The following KCNK13 variants were observed in gnomAD, a reference collection of about 807,000 sequenced individuals.
KCNK13 encodes the protein potassium two pore domain channel subfamily K member 13.
KCNK13 carries 12 observed loss-of-function variants against 23.4 expected under a neutral mutation model. The observed-to-expected ratio is 0.51, with a 90% CI of 0.33 to 0.83. KCNK13 has a LOEUF of 0.83. KCNK13 is among the 40% of genes least tolerant of loss of function. The probability of loss-of-function intolerance (pLI) is 0.02; values close to 1 mark genes in which losing one functional copy is unlikely to be tolerated. For synonymous variants in KCNK13, 231 were observed against 229.5 expected, an observed-to-expected ratio of 1.01 and a Z score of -0.06; for missense variants, 463 against 556.3, an observed-to-expected ratio of 0.83 and a Z score of 1.69.
intron 1 of KCNK13, among the ~76,000 whole-genome samples, chr14:90,086,071 A>G (rs984753980): frequency 6.6e-6 from 1 of 151,570 alleles, no homozygotes; most frequent in Non-Finnish European, 1.5e-5. Context: ...CATTCTTCCT[A>G]TTGTAAGACA....
intron 1 of KCNK13, among the ~76,000 whole-genome samples, chr14:90,137,317 ATTTATTTTTATTTATTTT>A (rs1279902491): frequency 6.6e-6 from 1 of 150,622 alleles, no homozygotes; most frequent in East Asian, 1.9e-4. Flanking sequence ...TTATTTATTT[ATTTATTTTTATTTATTTT>A]TTTGAGATGG....
intron 1 of KCNK13, among the ~76,000 whole-genome samples, chr14:90,147,636 G>A (rs142950137): frequency 6.6e-6 from 1 of 152,124 alleles, no homozygotes; most frequent in Admixed American, 6.5e-5. Context: ...GATTTCTTCT[G>A]TTGTGTTGGG....
chr14:90,164,446 TA>T (rs1890281487), intron 1 of KCNK13, among the ~76,000 whole-genome samples: 1 of 152,134 alleles, frequency 6.6e-6, no homozygotes, highest in Admixed American at 6.5e-5. Context: ...AAGACTCTTT[TA>T]AAGAAATGGA....
Position 90,094,405 on chromosome 14 carries a change from C to G in KCNK13, c.334+31866C>G, listed in dbSNP as rs927174366. On this transcript the variant is annotated intron_variant, in intron 1 of 1. Transcript: ENST00000282146. ...GAAGGGCTTGGTTTTCATAATGAAA[C>G]AGATTCTATTTCTTGTAATCTATGA... Among the ~76,000 whole-genome samples, 8 of 152,138 alleles carry G rather than the reference C, an allele frequency of 5.3e-5. No homozygotes were observed. In the South Asian group the frequency reaches 1.5e-3, roughly 28 times the overall value.
chr14:90,142,720 C>G (rs1016424216), intron 1 of KCNK13, among the ~76,000 whole-genome samples: 2 of 152,176 alleles, frequency 1.3e-5, no homozygotes, highest in Non-Finnish European at 2.9e-5. Context: ...TTCCCTGTAT[C>G]CTCCTAGGTT....
rs1888948231 is a variant in KCNK13, at chr14:90,062,120, C to A, written c.-86C>A. 2.2e-6 allele frequency: 2 copies of A among 906,520 alleles called. No individual in the cohort carries two copies. Among genetic ancestry groups the A allele is most frequent in the Non-Finnish European group, 3.0e-6 (2 of 672,130 alleles). 56.2% of individuals were successfully genotyped at this position (906,520 alleles called of 1,614,324 possible). A position where few individuals can be genotyped will look rare whatever the true frequency, so the allele number is the denominator to read the frequency against. On this transcript the variant is annotated 5_prime_UTR_variant, in exon 1 of 2. Coordinates refer to ENST00000282146, the MANE Select transcript of KCNK13 (RefSeq NM_022054.4). The surrounding 1 kb of genome is among the most constrained non-coding windows in gnomAD (Gnocchi z 4.5). ...GGGCGCCCGGGAGCTGGCTGAGCGC[C>A]GGGGCCCTTATTTCCCGGGGGTGTG...
chr14:90,180,595 A>G (rs573277853), intron 1 of KCNK13, among the ~76,000 whole-genome samples: 2 of 152,330 alleles, frequency 1.3e-5, no homozygotes, highest in East Asian at 3.9e-4. Flanking sequence ...TAGATAACCA[A>G]AAGTCATGAT....
chr14:90,078,444 GAA>G (rs1322972791), intron 1 of KCNK13, among the ~76,000 whole-genome samples: 2 of 148,308 alleles, frequency 1.3e-5, no homozygotes, highest in Non-Finnish European at 3.0e-5. Context: ...AGAAAAAAAA[GAA>G]AGAGAGGAAG....
intron 1 of KCNK13, among the ~76,000 whole-genome samples, chr14:90,152,842 T>A (rs1322331488): frequency 1.3e-5 from 2 of 152,182 alleles, no homozygotes; most frequent in Non-Finnish European, 2.9e-5. Flanking sequence ...TTAATTGACA[T>A]AGAGTCTCCC....
At chr14:90,143,093 A>T (rs1566644677) in intron 1 of KCNK13, among the ~76,000 whole-genome samples, 1 of 151,748 alleles carries the variant, frequency 6.6e-6, no homozygotes, top group Non-Finnish European at 1.5e-5. Flanking sequence ...GTAAGGAAAA[A>T]AGGTAGGGAC....
At chr14:90,176,959 G>T (rs1890428844) in intron 1 of KCNK13, among the ~76,000 whole-genome samples, 1 of 152,192 alleles carries the variant, frequency 6.6e-6, no homozygotes, top group South Asian at 2.1e-4. Flanking sequence ...GGCGGAGGTT[G>T]CAGTGAGCCA....
At chr14:90,143,995 T>G (rs953518624) in intron 1 of KCNK13, among the ~76,000 whole-genome samples, 2 of 152,188 alleles carry the variant, frequency 1.3e-5, no homozygotes, top group Non-Finnish European at 2.9e-5. Context: ...AAGCCCAAAT[T>G]TAGTTTAACA....
intron 1 of KCNK13, among the ~76,000 whole-genome samples, chr14:90,085,032 T>C (rs1405291944): frequency 6.6e-6 from 1 of 152,154 alleles, no homozygotes; most frequent in Non-Finnish European, 1.5e-5. Context: ...AACCTCTGCC[T>C]CCCAGGTTCA....
chr14:90,144,762 G>A (rs2140430143), intron 1 of KCNK13, among the ~76,000 whole-genome samples: 1 of 151,976 alleles, frequency 6.6e-6, no homozygotes, highest in South Asian at 2.1e-4. Flanking sequence ...CCTGGCCTCT[G>A]TTTTACTTTC....
chr14:90,107,456 C>T (rs1012474821), intron 1 of KCNK13, among the ~76,000 whole-genome samples: 12 of 152,074 alleles, frequency 7.9e-5, no homozygotes, highest in East Asian at 1.9e-4. Context: ...TCGGCCTGGG[C>T]GACAGTGTGA....
At chr14:90,109,290 A>C (rs1566953093) in intron 1 of KCNK13, among the ~76,000 whole-genome samples, 1 of 152,130 alleles carries the variant, frequency 6.6e-6, no homozygotes, top group Non-Finnish European at 1.5e-5. Context: ...TAATAAAAAA[A>C]TACCTATAGA....
At chr14:90,129,680 C>G (rs1889844379) in intron 1 of KCNK13, among the ~76,000 whole-genome samples, 1 of 151,994 alleles carries the variant, frequency 6.6e-6, no homozygotes, top group Non-Finnish European at 1.5e-5. Flanking sequence ...TCCACTGAAC[C>G]ACATTTTCAC....
intron 1 of KCNK13, among the ~76,000 whole-genome samples, chr14:90,125,680 A>G (rs184849495): frequency 2.0e-5 from 3 of 152,164 alleles, no homozygotes; most frequent in African/African-American, 7.2e-5. Flanking sequence ...ACTCAATTGA[A>G]AGCACTCTCA....
At chr14:90,078,260 A>G (rs1257787157) in intron 1 of KCNK13, among the ~76,000 whole-genome samples, 2 of 152,224 alleles carry the variant, frequency 1.3e-5, no homozygotes, top group Middle Eastern at 3.4e-3. Context: ...TCTCCACTAA[A>G]AATACAAAAA....
Sources: allele counts gnomAD v4.1 joint callset (sites outside exome capture counted in the v4.1 genomes callset), GRCh38; gene constraint gnomAD v4.1.1; non-coding constraint Gnocchi (gnomAD v3.1); transcripts MANE v1.5; gene names NCBI Gene and HGNC (gene_info 2026-07-23, HGNC 2026-07-21).